The following WDR41 variants were observed in gnomAD, a reference collection of about 807,000 sequenced individuals.
The protein encoded by WDR41 is WD repeat-containing protein 41.
In WDR41, 63 loss-of-function variants were observed where a neutral mutation model predicts 69.3. The ratio of observed to expected loss-of-function variants is 0.91; its 90% CI spans 0.74 to 1.12. The LOEUF is 1.12. WDR41 is among the 50% of genes most tolerant of loss of function. The probability of loss-of-function intolerance (pLI) is 0.00; values close to 1 mark genes in which losing one functional copy is unlikely to be tolerated. For missense variants in WDR41, 543 were observed against 534.5 expected (o/e 1.02, Z -0.16); for synonymous variants, 185 against 192.1 (o/e 0.96, Z 0.31).
In WDR41 at chr5:77,463,225, G is replaced by A; in HGVS notation, c.218C>T (p.Thr73Ile). ...ATTCAGTTCTAAAAGTTTTTCCCCT[G>A]TCTGAAATACCAATAAAAATGTTAA... is the stretch of plus-strand genomic sequence containing the variant. ...DGIVVVWNAQ[T>I]GEKLLELNGH... Residue 73 changes from threonine (T) to isoleucine (I), a missense_variant and splice_region_variant, in exon 4 of 13, where the codon ACA (threonine) becomes ATA (isoleucine). Transcript: ENST00000296679. 1 of 1,603,220 alleles carries A rather than the reference G, an allele frequency of 6.2e-7. No homozygotes were observed. Among genetic ancestry groups the A allele is most frequent in the Non-Finnish European group, 8.5e-7 (1 of 1,176,278 alleles).
chr5:77,563,401 C>T (rs1743560522), intron 1 of WDR41, among the ~76,000 whole-genome samples: 1 of 152,146 alleles, frequency 6.6e-6, no homozygotes, highest in African/African-American at 2.4e-5. Context: ...CAGCACTCCC[C>T]TACACATAAT....
Position 77,432,395 on chromosome 5 carries a change from T to C in WDR41, c.*740A>G, listed in dbSNP as rs1282279319. 6.6e-6 allele frequency: 1 copy of C among 152,642 alleles called. No individual in the cohort carries two copies. Among genetic ancestry groups the C allele is most frequent in the Non-Finnish European group, 1.5e-5 (1 of 68,058 alleles). The allele number at this position is 152,642 out of a possible 1,614,324, so 9.5% of individuals were successfully genotyped here. Reference sequence around the variant, plus strand: ...TTGAGTCAGTGGTCAGATGGGGCAGTTGCGCTCAGCTGCAGTCCCTGACTC... The same window carrying C: ...TTGAGTCAGTGGTCAGATGGGGCAGCTGCGCTCAGCTGCAGTCCCTGACTC... On this transcript the variant is annotated 3_prime_UTR_variant, in exon 13 of 13. Transcript: ENST00000296679.
intron 4 of WDR41, 135 bp downstream of exon 4, chr5:77,462,960 T>A: frequency 2.2e-6 from 2 of 899,534 alleles, no homozygotes; most frequent in Non-Finnish European, 3.2e-6. Context: ...TGGTATCTTA[T>A]AAGTAACAGA....
At chr5:77,557,459 G>A (rs1295870736) in intron 1 of WDR41, among the ~76,000 whole-genome samples, 2 of 152,134 alleles carry the variant, frequency 1.3e-5, no homozygotes, top group Non-Finnish European at 2.9e-5. Context: ...TCACAAAGAG[G>A]TGGCAGAAGT....
chr5:77,545,608 G>T, intron 1 of WDR41: 1 of 352,678 alleles, frequency 2.8e-6, no homozygotes, highest in Non-Finnish European at 5.2e-6. Flanking sequence ...GAAATCCCTG[G>T]AGATCTATCT....
chr5:77,560,797 C>T lies in WDR41; in HGVS notation c.42+59682G>A, dbSNP rs185006409. 4.9e-4 allele frequency among the ~76,000 whole-genome samples: 74 copies of T among 152,190 alleles called. 1 individual carries two copies. The highest frequency in any genetic ancestry group is 4.8e-3 in the Admixed American group (74 of 15,290). ...ATGCTTCCACAAACTTTGAATCTTCCTTGTCTACAGGGTATGTGTTCTCAG... is the reference window on the plus strand; with the variant it reads ...ATGCTTCCACAAACTTTGAATCTTCTTTGTCTACAGGGTATGTGTTCTCAG... On this transcript the variant is annotated intron_variant, in intron 1 of 5. Coordinates refer to the WDR41 transcript ENST00000509971.
intron 1 of WDR41, among the ~76,000 whole-genome samples, chr5:77,575,010 C>T (rs1743804170): frequency 6.6e-6 from 1 of 152,022 alleles, no homozygotes; most frequent in African/African-American, 2.4e-5. Context: ...TTCATAAAAG[C>T]CTCTATCCAT....
At chr5:77,458,752 A>T (rs1368554096) in intron 5 of WDR41, 2 of 198,802 alleles carry the variant, frequency 1.0e-5, no homozygotes, top group Non-Finnish European at 2.0e-5. Context: ...AAAACAGACC[A>T]GCTACTATTA....
At position 77,620,345 on chromosome 5, in the gene WDR41, T is replaced by A. The variant is rs1183044238; in HGVS notation, c.42+134A>T. 8.0e-6 allele frequency: 3 copies of A among 374,110 alleles called. No individual in the cohort carries two copies. The Admixed American group carries it at 9.9e-5, about 12-fold the overall frequency. 23.2% of individuals were successfully genotyped at this position (374,110 alleles called of 1,614,324 possible). On this transcript the variant is annotated intron_variant, in intron 1 of 5. Transcript: ENST00000509971. ...AAGTTAGCATATTGCTGTAAGTCTC[T>A]TTAGTCAAAATGTAAATGATCCCAG...
chr5:77,536,844 C>T (rs149464715), intron 1 of WDR41, among the ~76,000 whole-genome samples: 91 of 152,244 alleles, frequency 6.0e-4, no homozygotes, highest in African/African-American at 2.1e-3. Flanking sequence ...ACCACCAATG[C>T]ACTTCTCAGA....
intron 2 of WDR41, among the ~76,000 whole-genome samples, chr5:77,469,126 C>G (rs947343499): frequency 6.6e-6 from 1 of 152,222 alleles, no homozygotes; most frequent in Non-Finnish European, 1.5e-5. Flanking sequence ...TCATTCTCAG[C>G]AAACTATCGC....
chr5:77,503,008 C>A (rs1170631211), intron 1 of WDR41, among the ~76,000 whole-genome samples: 1 of 152,042 alleles, frequency 6.6e-6, no homozygotes, highest in Non-Finnish European at 1.5e-5. Flanking sequence ...CATATTCACA[C>A]ATAACAATAT....
At chr5:77,467,024 TA>T (rs1800337002) in intron 2 of WDR41, among the ~76,000 whole-genome samples, 1 of 151,978 alleles carries the variant, frequency 6.6e-6, no homozygotes, top group African/African-American at 2.4e-5. Flanking sequence ...TATCTTAAAC[TA>T]AATCCTAGTC....
chr5:77,550,964 T>C (rs1743284438), intron 1 of WDR41, among the ~76,000 whole-genome samples: 1 of 152,090 alleles, frequency 6.6e-6, no homozygotes, highest in African/African-American at 2.4e-5. Context: ...GAAAACCAAA[T>C]ACCACAGGTT....
At chr5:77,438,881 T>C (rs1403203147) in intron 9 of WDR41, among the ~76,000 whole-genome samples, 2 of 152,180 alleles carry the variant, frequency 1.3e-5, no homozygotes, top group African/African-American at 4.8e-5. Context: ...AAAAAACATT[T>C]TTCCAAATGT....
rs542417420 is a variant in WDR41, at chr5:77,437,508, G to T, written c.1005-84C>A. Reference sequence around the variant, plus strand: ...ATTTGCAGTGAAAGAAATCAGTGGAGCCCTCAACTGCTTTTATTCAGCTCT... The same window carrying T: ...ATTTGCAGTGAAAGAAATCAGTGGATCCCTCAACTGCTTTTATTCAGCTCT... On this transcript the variant is annotated intron_variant, in intron 10 of 12. Coordinates refer to ENST00000296679, the MANE Select transcript of WDR41 (RefSeq NM_018268.4). 63 of 1,131,014 alleles carry T rather than the reference G, an allele frequency of 5.6e-5. No individual in the cohort carries two copies. The Middle Eastern group carries it at 6.0e-4, about 11-fold the overall frequency. The allele number at this position is 1,131,014 out of a possible 1,614,324, so 70.1% of individuals were successfully genotyped here. A position where few individuals can be genotyped will look rare whatever the true frequency, so the allele number is the denominator to read the frequency against.
upstream of WDR41, among the ~76,000 whole-genome samples, chr5:77,495,522 A>G (rs910822952): frequency 6.6e-6 from 1 of 152,054 alleles, no homozygotes; most frequent in Non-Finnish European, 1.5e-5. Context: ...AACCTAAAAG[A>G]TATGAATAAA....
intron 1 of WDR41, among the ~76,000 whole-genome samples, chr5:77,505,837 T>G (rs1345047028): frequency 3.9e-5 from 6 of 152,184 alleles, no homozygotes; most frequent in East Asian, 1.9e-4. Context: ...TAGCCATATG[T>G]AGAAAGCTGA....
At chr5:77,490,759 A>G (rs1326315071) in intron 1 of WDR41, among the ~76,000 whole-genome samples, 1 of 152,224 alleles carries the variant, frequency 6.6e-6, no homozygotes, top group Non-Finnish European at 1.5e-5. Context: ...TAACCAAAGA[A>G]CCAGGTTAAA....
Sources: gnomAD v4.1 joint callset for allele counts (sites outside exome capture counted in the v4.1 genomes callset) on GRCh38, gnomAD v4.1.1 for gene constraint, MANE v1.5 for transcripts, NCBI Gene and HGNC (gene_info 2026-07-23, HGNC 2026-07-21) for gene names.